Variants in ENTREP1 observed in about 807,000 individuals in gnomAD.
ENTREP1 encodes endosomal transmembrane epsin interactor 1.
the ENTREP1 span, chr9:69,385,909 C>G: frequency 2.5e-6 from 4 of 1,613,060 alleles, no homozygotes; most frequent in East Asian, 2.2e-5. Flanking sequence ...AGGACCAGGT[C>G]GAAGAGTGAC....
chr9:69,350,009 A>G, the ENTREP1 span, among the ~76,000 whole-genome samples: 3 of 152,206 alleles, frequency 2.0e-5, no homozygotes, highest in African/African-American at 7.2e-5. Flanking sequence ...ATGATTTGCA[A>G]ACATTTTCTT....
chr9:69,391,710 C>T, the ENTREP1 span: 5 of 1,613,970 alleles, frequency 3.1e-6, no homozygotes, highest in Non-Finnish European at 4.2e-6. Context: ...ACCTTCACAC[C>T]AGCGGGGAGG....
At chr9:69,392,057 C>G in the ENTREP1 span, 1 of 537,520 alleles carries the variant, frequency 1.9e-6, no homozygotes, top group Non-Finnish European at 3.3e-6. Flanking sequence ...TCTGCTGGGC[C>G]TCGCAGCATT....
At chr9:69,367,042 A>C in the ENTREP1 span, among the ~76,000 whole-genome samples, 2 of 151,516 alleles carry the variant, frequency 1.3e-5, no homozygotes, top group East Asian at 3.9e-4. Context: ...TCAGCCTCCC[A>C]AGTAGCTGGG....
chr9:69,337,005 CTTTTTTTTTTTT>C, the ENTREP1 span, among the ~76,000 whole-genome samples: 19 of 55,998 alleles, frequency 3.4e-4, no homozygotes, highest in South Asian at 1.2e-3. Flanking sequence ...GCTGTTATTC[CTTTTTTTTTTTT>C]TTTTTTTTTT....
chr9:69,352,470 A>G, the ENTREP1 span, among the ~76,000 whole-genome samples: 10 of 152,366 alleles, frequency 6.6e-5, no homozygotes, highest in East Asian at 7.7e-4. Context: ...CATTCTAGTC[A>G]TAACTAAAGG....
the ENTREP1 span, chr9:69,336,268 T>C: frequency 6.3e-7 from 1 of 1,575,872 alleles, no homozygotes; most frequent in Non-Finnish European, 8.7e-7. Context: ...ATGATACTCC[T>C]GGTATGTACT....
the ENTREP1 span, chr9:69,388,008 C>T: frequency 1.3e-6 from 2 of 1,522,938 alleles, no homozygotes; most frequent in Non-Finnish European, 1.8e-6. Context: ...TGTTTTCCCT[C>T]CTTCTGCAAG....
chr9:69,348,831 A>C, the ENTREP1 span, among the ~76,000 whole-genome samples: 2 of 152,132 alleles, frequency 1.3e-5, no homozygotes, highest in Non-Finnish European at 2.9e-5. Flanking sequence ...CATTATATGG[A>C]TATATCACAT....
the ENTREP1 span, among the ~76,000 whole-genome samples, chr9:69,388,886 T>C: frequency 0.052 from 7,969 of 152,260 alleles, 728 homozygotes; most frequent in African/African-American, 0.18. Context: ...CACATTCCCA[T>C]GAAATGTTTG....
chr9:69,389,545 G>A, the ENTREP1 span, among the ~76,000 whole-genome samples: 2 of 152,128 alleles, frequency 1.3e-5, no homozygotes, highest in African/African-American at 2.4e-5. Context: ...ATCAGTTGAC[G>A]GTTCCGGGTG....
chr9:69,388,492 T>C, the ENTREP1 span: 7 of 1,460,264 alleles, frequency 4.8e-6, no homozygotes, highest in Non-Finnish European at 6.5e-6. Flanking sequence ...AGATGACTCA[T>C]TTTCATAGCA....
the ENTREP1 span, among the ~76,000 whole-genome samples, chr9:69,337,476 C>T: frequency 6.6e-6 from 1 of 152,036 alleles, no homozygotes; most frequent in Non-Finnish European, 1.5e-5. Flanking sequence ...TAGACATATA[C>T]TGGTGATTTT....
the ENTREP1 span, among the ~76,000 whole-genome samples, chr9:69,355,859 G>T: frequency 6.6e-6 from 1 of 152,222 alleles, no homozygotes; most frequent in African/African-American, 2.4e-5. Context: ...ATGTAACATG[G>T]TGGCTGGTTT....
At chr9:69,330,423 C>CTT in the ENTREP1 span, among the ~76,000 whole-genome samples, 2 of 152,120 alleles carry the variant, frequency 1.3e-5, no homozygotes, top group African/African-American at 4.8e-5. Flanking sequence ...TATGTCTGTG[C>CTT]TTTAAGTCAC....
chr9:69,391,885 C>A, the ENTREP1 span: 2 of 1,358,262 alleles, frequency 1.5e-6, no homozygotes, highest in South Asian at 1.3e-5. Context: ...TGTGGTCCAC[C>A]TCAAAAAAAA....
the ENTREP1 span, among the ~76,000 whole-genome samples, chr9:69,390,005 G>A: frequency 2.0e-5 from 3 of 152,184 alleles, no homozygotes; most frequent in Non-Finnish European, 4.4e-5. Flanking sequence ...AGGAGGTAAG[G>A]ACAGCAGAAG....
the ENTREP1 span, among the ~76,000 whole-genome samples, chr9:69,390,092 A>G: frequency 2.9e-4 from 44 of 152,256 alleles, no homozygotes; most frequent in African/African-American, 1.0e-3. Flanking sequence ...ACTGATATCA[A>G]AACCACTTGT....
At chr9:69,390,694 C>T in the ENTREP1 span, among the ~76,000 whole-genome samples, 8 of 152,276 alleles carry the variant, frequency 5.3e-5, no homozygotes, top group East Asian at 5.8e-4. Flanking sequence ...GGCTAAAGTG[C>T]GGTGGTGTAG....
Sources: allele counts gnomAD v4.1 joint callset (sites outside exome capture counted in the v4.1 genomes callset), GRCh38; gene constraint gnomAD v4.1.1; transcripts MANE v1.5; gene names NCBI Gene and HGNC (gene_info 2026-07-23, HGNC 2026-07-21).